Variants in RBFOX3 observed in about 807,000 individuals in gnomAD.
The protein encoded by RBFOX3 is RNA binding protein fox-1 homolog 3.
Under a neutral mutation model 48.7 loss-of-function variants are expected in RBFOX3, and 17 were observed. The observed-to-expected ratio is 0.35, with a 90% CI of 0.24 to 0.52. RBFOX3 has a LOEUF of 0.52. Among genes scored for constraint, RBFOX3 ranks in the 20% least tolerant of loss-of-function variants. The probability of loss-of-function intolerance (pLI) is 0.94; values close to 1 mark genes in which losing one functional copy is unlikely to be tolerated. For missense variants in RBFOX3, 382 were observed against 497.5 expected, an observed-to-expected ratio of 0.77 and a Z score of 2.21; for synonymous variants, 212 against 209.5, an observed-to-expected ratio of 1.01 and a Z score of -0.10.
intron 1 of RBFOX3, among the ~76,000 whole-genome samples, chr17:79,563,610 C>A (rs2092340490): frequency 6.6e-6 from 1 of 152,208 alleles, no homozygotes; most frequent in Non-Finnish European, 1.5e-5. Context: ...GACATTGGTA[C>A]AGGTTTGATT....
intron 2 of RBFOX3, among the ~76,000 whole-genome samples, chr17:79,388,465 T>C (rs1216877702): frequency 6.6e-6 from 1 of 152,220 alleles, no homozygotes; most frequent in Non-Finnish European, 1.5e-5. Context: ...CGTTTTCAGC[T>C]GTGTCCAGAT....
chr17:79,125,696 T>C (rs1156753075), intron 4 of RBFOX3, among the ~76,000 whole-genome samples: 6 of 152,230 alleles, frequency 3.9e-5, no homozygotes, highest in Admixed American at 1.3e-4. Flanking sequence ...ATGAAGCTAA[T>C]TGCCTTCAGA....
intron 4 of RBFOX3, among the ~76,000 whole-genome samples, chr17:79,231,863 G>C (rs939446163): frequency 2.0e-5 from 3 of 152,322 alleles, no homozygotes; most frequent in Middle Eastern, 3.4e-3. Context: ...ACTGATCGCT[G>C]TATTAGTCCA....
chr17:79,468,234 G>T (rs1471708954), intron 2 of RBFOX3, among the ~76,000 whole-genome samples: 1 of 152,178 alleles, frequency 6.6e-6, no homozygotes, highest in East Asian at 1.9e-4. Flanking sequence ...GTTCCACACA[G>T]ATAGGCAGAT....
the RBFOX3 span, among the ~76,000 whole-genome samples, chr17:79,625,085 C>T: frequency 6.6e-6 from 1 of 152,066 alleles, no homozygotes; most frequent in African/African-American, 2.4e-5. Flanking sequence ...GAAACCATCA[C>T]CACCATCAGG....
chr17:79,464,564 G>A (rs1004940450), intron 2 of RBFOX3, among the ~76,000 whole-genome samples: 9 of 152,212 alleles, frequency 5.9e-5, no homozygotes, highest in Non-Finnish European at 8.8e-5. Context: ...TGCAGACGCC[G>A]GGGGGAGGCA....
At chr17:79,367,924 G>A (rs1433968219) in intron 2 of RBFOX3, among the ~76,000 whole-genome samples, 1 of 152,290 alleles carries the variant, frequency 6.6e-6, no homozygotes, top group East Asian at 1.9e-4. Flanking sequence ...GGGACATCCC[G>A]GCATGACTCT....
chr17:79,379,069 G>A (rs955281371), intron 2 of RBFOX3, among the ~76,000 whole-genome samples: 3 of 152,172 alleles, frequency 2.0e-5, no homozygotes, highest in Non-Finnish European at 4.4e-5. Flanking sequence ...CTGTCACAGG[G>A]GCGATGTCCA....
At chr17:79,278,060 A>C (rs2069336239) in intron 3 of RBFOX3, among the ~76,000 whole-genome samples, 1 of 152,250 alleles carries the variant, frequency 6.6e-6, no homozygotes, top group Non-Finnish European at 1.5e-5. Context: ...AAATGTACAC[A>C]AAATGCCAAC....
upstream of RBFOX3, among the ~76,000 whole-genome samples, chr17:79,611,974 A>G (rs2145585324): frequency 6.6e-6 from 1 of 152,176 alleles, no homozygotes; most frequent in African/African-American, 2.4e-5. Flanking sequence ...GCCTGGTGTG[A>G]GTTCTGGGAG....
rs142827181 is a variant in RBFOX3 at position 79,335,221 on chromosome 17, C to A, written c.-174-27397G>T. Among the ~76,000 whole-genome samples, 222 of 152,298 alleles carry A rather than the reference C, an allele frequency of 1.5e-3. 2 individuals are homozygous for A. The highest frequency in any genetic ancestry group is 5.1e-3 in the African/African-American group (210 of 41,562). On this transcript the variant is annotated intron_variant, in intron 2 of 14. Transcript: ENST00000693108. ...ACAGACTCCAGCACACAGCAGGTGG[C>A]CAACATGAGTATGCTTGATTTGCAA...
intron 2 of RBFOX3, among the ~76,000 whole-genome samples, chr17:79,339,582 T>C (rs1195061700): frequency 1.3e-5 from 2 of 152,190 alleles, no homozygotes; most frequent in African/African-American, 4.8e-5. Flanking sequence ...CCAGAGTTTC[T>C]GATTCAGTAT....
At position 79,418,695 on chromosome 17, in the gene RBFOX3, T is replaced by C. The variant is rs2065777223; in HGVS notation, c.-175+63759A>G. Among the ~76,000 whole-genome samples the C allele has an allele frequency of 6.6e-6, 1 of 151,938 alleles. No individual in the cohort carries two copies. Among genetic ancestry groups the C allele is most frequent in the Non-Finnish European group, 1.5e-5 (1 of 68,006 alleles). ...TGTGGCTGTGCCAAGTGCCCTGGCA[T>C]CCCCCAAGTCTGGGTGGCAAATCCA... On this transcript the variant is annotated intron_variant, in intron 2 of 14. Transcript: ENST00000693108. This position sits in a 1 kb window ranked among gnomAD's most constrained non-coding sequence, Gnocchi z 5.0.
At chr17:79,128,967 T>C (rs1321566246) in intron 4 of RBFOX3, among the ~76,000 whole-genome samples, 2 of 152,094 alleles carry the variant, frequency 1.3e-5, no homozygotes, top group African/African-American at 4.8e-5. Context: ...TGGTGGTGCT[T>C]TGCCACCTGA....
At chr17:79,264,579 A>T (rs1420131140) in intron 3 of RBFOX3, among the ~76,000 whole-genome samples, 1 of 152,118 alleles carries the variant, frequency 6.6e-6, no homozygotes, top group African/African-American at 2.4e-5. Flanking sequence ...CATGTCACCC[A>T]GTTCGTGGTC....
chr17:79,261,041 C>T (rs939811355), intron 3 of RBFOX3, among the ~76,000 whole-genome samples: 3 of 152,134 alleles, frequency 2.0e-5, no homozygotes, highest in Non-Finnish European at 4.4e-5. Context: ...AGCTGTTCCT[C>T]GCTTGCCTTC....
At chr17:79,115,432 T>C in intron 5 of RBFOX3, 62 bp downstream of exon 5, 1 of 1,112,510 alleles carries the variant, frequency 9.0e-7, no homozygotes, top group Non-Finnish European at 1.2e-6. Flanking sequence ...GCCACCCTTC[T>C]TCTGGGTGGG....
At chr17:79,537,954 C>T (rs1555789185) in intron 1 of RBFOX3, among the ~76,000 whole-genome samples, 1 of 152,142 alleles carries the variant, frequency 6.6e-6, no homozygotes, top group African/African-American at 2.4e-5. Context: ...GAGATGCTTC[C>T]CCTCAAACGT....
intron 2 of RBFOX3, among the ~76,000 whole-genome samples, chr17:79,354,764 G>A (rs1036299079): frequency 3.3e-5 from 5 of 152,200 alleles, no homozygotes; most frequent in Non-Finnish European, 4.4e-5. Context: ...CTCCAACTCC[G>A]GCCCCTCAGA....
Sources: allele counts gnomAD v4.1 joint callset (sites outside exome capture counted in the v4.1 genomes callset), GRCh38; gene constraint gnomAD v4.1.1; non-coding constraint Gnocchi (gnomAD v3.1); transcripts MANE v1.5; gene names NCBI Gene and HGNC (gene_info 2026-07-23, HGNC 2026-07-21).